Variants in TMEM163 observed in about 807,000 individuals in gnomAD.
TMEM163 encodes transmembrane protein 163.
TMEM163 carries 17 observed loss-of-function variants against 29.3 expected under a neutral mutation model. The ratio of observed to expected loss-of-function variants is 0.58; its 90% CI spans 0.40 to 0.87. The LOEUF is 0.87. Ranked by LOEUF, TMEM163 falls within the 40% of genes least tolerant of loss-of-function variation. The pLI is 0.00. For synonymous variants in TMEM163, 157 were observed against 160.6 expected (o/e 0.98, Z 0.17); for missense variants, 303 against 381.5 (o/e 0.79, Z 1.71).
At chr2:134,645,803 CT>C (rs1472048442) in intron 2 of TMEM163, among the ~76,000 whole-genome samples, 2 of 152,056 alleles carry the variant, frequency 1.3e-5, no homozygotes, top group Non-Finnish European at 1.5e-5. Flanking sequence ...GGTTGCCAGG[CT>C]TTAGGTGTTG....
intron 2 of TMEM163, among the ~76,000 whole-genome samples, chr2:134,574,759 C>T (rs1041675756): frequency 1.3e-5 from 2 of 152,114 alleles, no homozygotes; most frequent in Non-Finnish European, 2.9e-5. Context: ...TCATGTTTCC[C>T]AGCTGCAAGG....
rs1166955392 is a variant in TMEM163 at position 134,651,525 on chromosome 2, C to A, written c.322+61675G>T. Among the ~76,000 whole-genome samples the A allele has an allele frequency of 5.0e-5, 6 of 120,364 alleles. 1 individual carries two copies. Among genetic ancestry groups the A allele is most frequent in the Admixed American group, 2.5e-4 (3 of 12,026 alleles). The allele number at this position is 120,364 out of a possible 152,430, so 79.0% of individuals were successfully genotyped here. A position where few individuals can be genotyped will look rare whatever the true frequency, so the allele number is the denominator to read the frequency against. ...TTCACTCTGATGGTAGTTTCTTTTG[C>A]TGTGCAGAAGCTCTTTAGTTTAATT... On this transcript the variant is annotated intron_variant, in intron 2 of 7. Transcript: ENST00000281924.
rs370517417 is a variant in TMEM163 at position 134,464,217 on chromosome 2, T to C, written c.667+1897A>G. ...ACTCTGAGCTGCTGGTCACATGGCA[T>C]GCAGGAGTGCTGGACACAGCAGGGG... is the stretch of plus-strand genomic sequence containing the variant. On this transcript the variant is annotated intron_variant, in intron 6 of 7. Coordinates refer to ENST00000281924, the MANE Select transcript of TMEM163 (RefSeq NM_030923.5). Among the ~76,000 whole-genome samples the C allele has an allele frequency of 3.3e-5, 5 of 152,270 alleles. No individual in the cohort carries two copies. The South Asian group carries it at 6.2e-4, about 19-fold the overall frequency.
chr2:134,701,863 A>G (rs1574350746), intron 2 of TMEM163, among the ~76,000 whole-genome samples: 1 of 148,184 alleles, frequency 6.7e-6, no homozygotes. Flanking sequence ...GGTTGCAGAC[A>G]GCTGAGATCA....
At chr2:134,603,390 A>G (rs1298385841) in intron 2 of TMEM163, among the ~76,000 whole-genome samples, 1 of 152,238 alleles carries the variant, frequency 6.6e-6, no homozygotes, top group African/African-American at 2.4e-5. Context: ...ATTTTATGGA[A>G]GTAATTTAAA....
chr2:134,570,875 G>C (rs1030906258), intron 2 of TMEM163, among the ~76,000 whole-genome samples: 1 of 152,210 alleles, frequency 6.6e-6, no homozygotes, highest in African/African-American at 2.4e-5. Flanking sequence ...AAGGAGAATG[G>C]AGGAAGTGAA....
Position 134,555,252 on chromosome 2 carries a change from T to A in TMEM163, c.323-3161A>T, listed in dbSNP as rs929402772. 4.1e-4 allele frequency among the ~76,000 whole-genome samples: 63 copies of A among 152,232 alleles called. 1 individual carries two copies. The highest frequency in any genetic ancestry group is 1.4e-3 in the African/African-American group (60 of 41,540). The stretch of plus-strand genomic sequence containing the variant: ...AAACTCAATGGAAGGGTCAGAATGG[T>A]TTACACAGCACCCCACCCCCCAACT... On this transcript the variant is annotated intron_variant, in intron 2 of 7. Transcript: ENST00000281924.
At chr2:134,497,683 T>C (rs1307592545) in intron 5 of TMEM163, among the ~76,000 whole-genome samples, 2 of 152,222 alleles carry the variant, frequency 1.3e-5, no homozygotes, top group African/African-American at 4.8e-5. Context: ...TGTGGAGTAC[T>C]GGGTACTGCA....
chr2:134,579,056 G>A (rs1681630466), intron 2 of TMEM163, among the ~76,000 whole-genome samples: 1 of 152,176 alleles, frequency 6.6e-6, no homozygotes, highest in Non-Finnish European at 1.5e-5. Context: ...CCCCAGGCTG[G>A]ATGGCGTCAG....
At chr2:134,653,397 C>T (rs1312621201) in intron 2 of TMEM163, among the ~76,000 whole-genome samples, 2 of 17,632 alleles carry the variant, frequency 1.1e-4, no homozygotes, top group East Asian at 1.1e-3. Context: ...GTGATATCCC[C>T]TTTATCATTT....
chr2:134,458,292 C>T, intron 6 of TMEM163, 119 bp from the exon 7 acceptor site: 1 of 1,257,132 alleles, frequency 8.0e-7, no homozygotes, highest in East Asian at 2.5e-5. Context: ...ATGCCCAAAG[C>T]TCTCACGAGT....
At chr2:134,491,569 C>T (rs578996) in intron 5 of TMEM163, among the ~76,000 whole-genome samples, 95,034 of 151,910 alleles carry the variant, frequency 0.63, 32,059 homozygotes, top group East Asian at 0.96. Context: ...CCCTCCACCC[C>T]TTAAAAGACC....
At chr2:134,574,996 G>C (rs1681518130) in intron 2 of TMEM163, among the ~76,000 whole-genome samples, 1 of 150,696 alleles carries the variant, frequency 6.6e-6, no homozygotes, top group African/African-American at 2.4e-5. Flanking sequence ...GGTAGAGAAG[G>C]CATGGTCCAT....
intron 2 of TMEM163, among the ~76,000 whole-genome samples, chr2:134,704,643 C>A (rs182156136): frequency 6.6e-6 from 1 of 152,252 alleles, no homozygotes; most frequent in East Asian, 1.9e-4. Context: ...GGGTATCGAC[C>A]TACGAAAATT....
chr2:134,517,879 T>C lies in TMEM163; in HGVS notation c.459-14882A>G, dbSNP rs575479341. 2.0e-5 allele frequency among the ~76,000 whole-genome samples: 3 copies of C among 152,296 alleles called. No homozygotes were observed. In the South Asian group the frequency reaches 6.2e-4, roughly 32 times the overall value. ...CCCACTGGCTAGTTAGGAGAAAAAG[T>C]ATGAGTTTCCCACTGAGTGATCTGC... On this transcript the variant is annotated intron_variant, in intron 4 of 7. Transcript: ENST00000281924.
At chr2:134,477,568 G>A (rs1025260740) in intron 5 of TMEM163, among the ~76,000 whole-genome samples, 3 of 152,232 alleles carry the variant, frequency 2.0e-5, no homozygotes, top group African/African-American at 7.2e-5. Context: ...AAGACTCACT[G>A]AGCACCAGTG....
chr2:134,558,081 T>C (rs537953055), intron 2 of TMEM163, among the ~76,000 whole-genome samples: 12 of 152,256 alleles, frequency 7.9e-5, no homozygotes, highest in African/African-American at 2.9e-4. Context: ...CTGTGATACA[T>C]ATCTGGGACT....
chr2:134,545,373 T>A (rs574480636), intron 4 of TMEM163, among the ~76,000 whole-genome samples: 3 of 152,328 alleles, frequency 2.0e-5, no homozygotes, highest in Middle Eastern at 6.8e-3. Flanking sequence ...CTAATAAAAA[T>A]GTAGCTGTTC....
At chr2:134,537,314 C>T (rs1374571808) in intron 4 of TMEM163, among the ~76,000 whole-genome samples, 1 of 152,220 alleles carries the variant, frequency 6.6e-6, no homozygotes, top group Non-Finnish European at 1.5e-5. Flanking sequence ...GCTTAAGCAA[C>T]AGTGACTTTC....
Sources: allele counts gnomAD v4.1 joint callset (sites outside exome capture counted in the v4.1 genomes callset), GRCh38; gene constraint gnomAD v4.1.1; transcripts MANE v1.5; gene names NCBI Gene and HGNC (gene_info 2026-07-23, HGNC 2026-07-21).